ATP2B3: variants seen among roughly 807,000 people sequenced by gnomAD.
ATP2B3 encodes plasma membrane calcium-transporting ATPase 3.
ATP2B3 carries 12 observed loss-of-function variants against 70.8 expected under a neutral mutation model. That is an observed-to-expected ratio of 0.17 (90% CI 0.11 to 0.27). The LOEUF (loss-of-function observed/expected upper bound fraction) is 0.27. Among genes scored for constraint, ATP2B3 ranks in the 10% least tolerant of loss-of-function variants. The pLI is 1.00. For synonymous variants in ATP2B3, 460 were observed against 497.8 expected, an observed-to-expected ratio of 0.92 and a Z score of 1.01; for missense variants, 858 against 1,118.5, an observed-to-expected ratio of 0.77 and a Z score of 3.32.
chrX:153,555,944 G>T, intron 13 of ATP2B3, 105 bp from the exon 14 acceptor site: 1 of 970,330 alleles, frequency 1.0e-6, no homozygotes, highest in Non-Finnish European at 1.5e-6. Flanking sequence ...TCTCACCTCT[G>T]CTGGACCTTG....
chrX:153,558,347 T>C (rs1486232186), intron 17 of ATP2B3, 44 bp downstream of exon 17: 8 of 1,127,565 alleles, frequency 7.1e-6, no homozygotes, highest in East Asian at 6.2e-5. Context: ...ACACCTGGGC[T>C]CAGGCCTGAG....
In ATP2B3 at chrX:153,549,387, C is replaced by A. The variant is rs1293235940; in HGVS notation, c.1339-110C>A. ...GGTGCCCAGTGGGCTTAGTGCCACACGTGGAGCTAGCTGAGCAGAACAGAG... is the reference window on the plus strand; with the variant it reads ...GGTGCCCAGTGGGCTTAGTGCCACAAGTGGAGCTAGCTGAGCAGAACAGAG... On this transcript the variant is annotated intron_variant, in intron 10 of 21. Transcript: ENST00000263519. The A allele has an allele frequency of 3.4e-6, 4 of 1,165,563 alleles. No individual in the cohort carries two copies. In the South Asian group the frequency reaches 7.9e-5, roughly 23 times the overall value.
chrX:153,556,543 C>A, intron 15 of ATP2B3, 125 bp downstream of exon 15: 1 of 748,146 alleles, frequency 1.3e-6, no homozygotes, highest in Non-Finnish European at 1.9e-6. Context: ...CCATTTGTCC[C>A]ATTAGCCCAG....
chrX:153,557,180 C>T (rs1043365764), intron 16 of ATP2B3, among the ~76,000 whole-genome samples, 157 bp downstream of exon 16: 2 of 112,200 alleles, frequency 1.8e-5, no homozygotes, highest in African/African-American at 3.2e-5. Context: ...CTTGGGCCTG[C>T]GTGGGCTCTG....
Position 153,580,265 on chromosome X carries a change from G to A in ATP2B3, c.3630G>A (p.Gly1210=). ...CTTCAGTGTTTTCCTCCAGTCCCGG[G>A]AGCCCGCTCCACAGCGTGGAGACGT... ...ATSSVFSSSP[G]SPLHSVETSL is the part of the protein sequence containing the mutation. The change falls in exon 22 of 22, where the codon GGG becomes GGA. Residue 1210 remains glycine (G), a synonymous_variant. Coordinates refer to ENST00000263519, the MANE Select transcript of ATP2B3 (RefSeq NM_001001344.3). 8.3e-7 allele frequency: 1 copy of A among 1,209,665 alleles called. No homozygotes were observed. The highest frequency in any genetic ancestry group is 1.1e-6 in the Non-Finnish European group (1 of 894,238).
At chrX:153,548,879 A>C in intron 10 of ATP2B3, 25 bp downstream of exon 10, 2 of 1,190,252 alleles carry the variant, frequency 1.7e-6, no homozygotes, top group Non-Finnish European at 2.3e-6. Flanking sequence ...TACAGTTGAT[A>C]CTGTTTACAG....
Position 153,565,066 on chromosome X carries a change from T to C in ATP2B3, c.3305T>C (p.Ile1102Thr). The C allele has an allele frequency of 8.4e-7, 1 of 1,195,657 alleles. No homozygotes were observed. Among genetic ancestry groups the C allele is most frequent in the Non-Finnish European group, 1.1e-6 (1 of 887,329 alleles). Reference protein sequence around the residue: ...HAERELRRGQILWFRGLNRIQ... With the variant: ...HAERELRRGQTLWFRGLNRIQ... ...GAGCGGGAGCTCCGCAGGGGCCAGATCCTCTGGTTCCGGGGCCTGAACCGG... is the reference window on the plus strand; with the variant it reads ...GAGCGGGAGCTCCGCAGGGGCCAGACCCTCTGGTTCCGGGGCCTGAACCGG... The change falls in exon 21 of 22, where the codon ATC becomes ACC. Residue 1102 changes from isoleucine to threonine, a missense_variant. Around this residue, in one of 5 missense-constraint regions of ATP2B3, gnomAD observed 265 missense variants for 305.3 expected, o/e 0.87. Transcript: ENST00000263519.
At chrX:153,549,095 T>C (rs1326855954) in intron 10 of ATP2B3, among the ~76,000 whole-genome samples, 2 of 106,575 alleles carry the variant, frequency 1.9e-5, no homozygotes, top group East Asian at 5.9e-4. Flanking sequence ...ATCTGCACAA[T>C]GTGGGCAGTA....
chrX:153,561,011 C>G, intron 19 of ATP2B3, 124 bp downstream of exon 19: 2 of 793,650 alleles, frequency 2.5e-6, no homozygotes, highest in East Asian at 3.4e-5. Flanking sequence ...GGAGCCCCAC[C>G]CCACCTGGCT....
rs186232930 is a variant in ATP2B3, at chrX:153,536,245, A to G, written c.-3A>G. ...GCACTTGTGAGAAGGCCTGACAGGCAGCATGGGCGACATGGCCAATAGTTC... is the reference window on the plus strand; with the variant it reads ...GCACTTGTGAGAAGGCCTGACAGGCGGCATGGGCGACATGGCCAATAGTTC... On this transcript the variant is annotated 5_prime_UTR_variant, in exon 3 of 22. Coordinates refer to ENST00000263519, the MANE Select transcript of ATP2B3 (RefSeq NM_001001344.3). 1.9e-4 allele frequency: 226 copies of G among 1,187,770 alleles called. 1 individual carries two copies. In the African/African-American group the frequency reaches 3.1e-3, roughly 17 times the overall value.
chrX:153,549,763 G>T (rs1234550928), intron 11 of ATP2B3, 24 bp downstream of exon 11: 2 of 1,198,772 alleles, frequency 1.7e-6, no homozygotes, highest in Non-Finnish European at 2.3e-6. Flanking sequence ...GGAGCGGGCG[G>T]GCAGGGCCGG....
chrX:153,537,784 G>T (rs2090215389), intron 3 of ATP2B3, among the ~76,000 whole-genome samples: 3 of 112,601 alleles, frequency 2.7e-5, no homozygotes, highest in African/African-American at 9.7e-5. Context: ...GCCTCTCCCA[G>T]ATCAAAGGAA....
At chrX:153,530,144 T>G (rs1178195520) in intron 2 of ATP2B3, among the ~76,000 whole-genome samples, 3 of 112,433 alleles carry the variant, frequency 2.7e-5, no homozygotes, top group African/African-American at 9.7e-5. Context: ...CGTCTTCCAT[T>G]CTATGGCGGT....
chrX:153,547,909 C>G lies in ATP2B3; in HGVS notation c.1033C>G (p.Arg345Gly), dbSNP rs1416640986. The change falls in exon 9 of 22, where the codon CGG becomes GGG. Residue 345 changes from arginine to glycine, a missense_variant. By Grantham distance (125) the Arg-to-Gly change is moderately radical. Coordinates refer to ENST00000263519, the MANE Select transcript of ATP2B3 (RefSeq NM_001001344.3). Reference protein sequence around the residue: ...KSAEGGEMEEREKKKANAPKK... With the variant: ...KSAEGGEMEEGEKKKANAPKK... ...CGCGGAGGGTGGGGAGATGGAGGAG[C>G]GGGAGAAGAAGAAAGCCAACGCACC... The G allele has an allele frequency of 1.7e-6, 2 of 1,209,245 alleles. No homozygotes were observed. The highest frequency in any genetic ancestry group is 2.2e-6 in the Non-Finnish European group (2 of 894,700).
intron 21 of ATP2B3, chrX:153,574,639 A>G: frequency 7.6e-6 from 2 of 261,570 alleles, no homozygotes; most frequent in Admixed American, 8.4e-5. Flanking sequence ...CTTTGCTTTG[A>G]TTGTTCTCTT....
rs1401835275 is a variant in ATP2B3 at position 153,541,813 on chromosome X, G to A, written c.551G>A (p.Gly184Asp). 3 of 1,209,899 alleles carry A rather than the reference G, an allele frequency of 2.5e-6. No homozygotes were observed. The highest frequency in any genetic ancestry group is 2.2e-5 in the Admixed American group (1 of 45,807). The change falls in exon 5 of 22, where the codon GGC becomes GAC. Residue 184 changes from glycine (G) to aspartate (D), a missense_variant. Coordinates refer to ENST00000263519, the MANE Select transcript of ATP2B3 (RefSeq NM_001001344.3). ...NDWSKEKQFR[G>D]LQSRIEQEQK... ...TGGAGCAAGGAGAAGCAGTTCCGAG[G>A]CCTGCAGAGCCGAATTGAGCAGGAG...
chrX:153,566,849 C>T (rs2090714951), intron 21 of ATP2B3, among the ~76,000 whole-genome samples: 1 of 111,802 alleles, frequency 8.9e-6, no homozygotes, highest in Admixed American at 9.5e-5. Context: ...TCTTTGACTC[C>T]TCTCACTCTC....
intron 19 of ATP2B3, among the ~76,000 whole-genome samples, chrX:153,561,175 CTCCCTGGCTCCCTCTAGGTCTGCCAT>C (rs2090620025): frequency 1.8e-5 from 2 of 112,099 alleles, no homozygotes. Flanking sequence ...GGAAGGAGTC[CTCCCTGGCTCCCTCTAGGTCTGCCAT>C]TCCCATTTCT....
intron 5 of ATP2B3, among the ~76,000 whole-genome samples, 173 bp downstream of exon 5, chrX:153,542,099 G>A (rs184316122): frequency 3.9e-5 from 3 of 76,602 alleles, no homozygotes; most frequent in African/African-American, 9.6e-5. Context: ...CACGGGGCAG[G>A]GCAGAGTGGT....
Sources: gnomAD v4.1 joint callset for allele counts (sites outside exome capture counted in the v4.1 genomes callset) on GRCh38, gnomAD v4.1.1 for gene constraint, gnomAD v4.1.1 regional missense constraint, MANE v1.5 for transcripts, NCBI Gene and HGNC (gene_info 2026-07-23, HGNC 2026-07-21) for gene names.